ACYP2: variants seen among roughly 807,000 people sequenced by gnomAD.
ACYP2 encodes acylphosphatase 2.
Under a neutral mutation model 11.2 loss-of-function variants are expected in ACYP2, and 12 were observed. The observed-to-expected ratio is 1.08, with a 90% CI of 0.69 to 1.74. ACYP2 has a LOEUF of 1.74. Among genes scored for constraint, ACYP2 ranks in the 40% most tolerant of loss-of-function variants. The pLI, the probability that ACYP2 is intolerant of heterozygous loss-of-function variation, is 0.00. For synonymous variants in ACYP2, 43 were observed against 32.2 expected, an observed-to-expected ratio of 1.33 and a Z score of -1.13; for missense variants, 134 against 101.9, an observed-to-expected ratio of 1.31 and a Z score of -1.35.
At chr2:54,117,448 C>T (rs982271728) in intron 4 of ACYP2, among the ~76,000 whole-genome samples, 1 of 152,040 alleles carries the variant, frequency 6.6e-6, no homozygotes, top group African/African-American at 2.4e-5. Flanking sequence ...GCTCATGCCA[C>T]CATGCATGAC....
chr2:54,150,768 G>A (rs1415027831), intron 6 of ACYP2, among the ~76,000 whole-genome samples: 1 of 138,240 alleles, frequency 7.2e-6, no homozygotes, highest in Admixed American at 7.7e-5. Flanking sequence ...GTGAGACGGA[G>A]TCTTGCTCTG....
chr2:54,290,240 G>T (rs770525297), intron 6 of ACYP2, among the ~76,000 whole-genome samples: 1 of 152,060 alleles, frequency 6.6e-6, no homozygotes, highest in African/African-American at 2.4e-5. Flanking sequence ...TGCCTGGCTT[G>T]GTCCCGGAGT....
At chr2:54,007,153 AAAAAAAAAAAAG>A (rs1356034459) in intron 2 of ACYP2, among the ~76,000 whole-genome samples, 3 of 146,818 alleles carry the variant, frequency 2.0e-5, no homozygotes, top group East Asian at 1.9e-4. Flanking sequence ...AAAAAAAAAA[AAAAAAAAAAAAG>A]AAAGAAAGAA....
At position 54,201,676 on chromosome 2, in the gene ACYP2, TTCTTTCTCTC is replaced by T. The variant is rs1344116539; in HGVS notation, c.404+62932_404+62941del. On this transcript the variant is annotated intron_variant, in intron 6 of 6. Transcript: ENST00000607452. ...TTTCTTTCTTTCTTTCTTTCTTTCT[TTCTTTCTCTC>T]TCTCTCTCTCTCTTTTTTCTTTTCT... Among the ~76,000 whole-genome samples, 154 of 108,782 alleles carry T rather than the reference TTCTTTCTCTC, an allele frequency of 1.4e-3. 1 individual carries two copies. The highest frequency in any genetic ancestry group is 5.3e-3 in the African/African-American group (145 of 27,516). The allele number at this position is 108,782 out of a possible 152,430, so 71.4% of individuals were successfully genotyped here. A position where few individuals can be genotyped will look rare whatever the true frequency, so the allele number is the denominator to read the frequency against.
chr2:54,120,623 C>T (rs962865321), intron 4 of ACYP2, among the ~76,000 whole-genome samples: 5 of 152,220 alleles, frequency 3.3e-5, no homozygotes, highest in African/African-American at 1.2e-4. Context: ...CGGCTAGTGG[C>T]ACCTCTGCCC....
At chr2:53,989,914 T>C (rs965851716) in intron 2 of ACYP2, among the ~76,000 whole-genome samples, 2 of 152,206 alleles carry the variant, frequency 1.3e-5, no homozygotes, top group Non-Finnish European at 1.5e-5. Flanking sequence ...CCCAGCCAAT[T>C]GTTTGAGAAT....
At chr2:54,243,581 G>A (rs1000601988) in intron 6 of ACYP2, among the ~76,000 whole-genome samples, 1 of 152,018 alleles carries the variant, frequency 6.6e-6, no homozygotes, top group Non-Finnish European at 1.5e-5. Context: ...TGCGGCCTCT[G>A]CCTCCCAGGT....
In ACYP2 at chr2:54,039,819, TTGTGTGTGTGTGTGTGTGTG is replaced by T. The variant is rs751604890; in HGVS notation, c.63-11107_63-11088del. Among the ~76,000 whole-genome samples the T allele has an allele frequency of 6.2e-4, 78 of 126,684 alleles. 1 individual carries two copies. Among genetic ancestry groups the T allele is most frequent in the African/African-American group, 2.1e-3 (70 of 33,446 alleles). The allele number at this position is 126,684 out of a possible 152,430, so 83.1% of individuals were successfully genotyped here. On this transcript the variant is annotated intron_variant, in intron 2 of 6. Transcript: ENST00000607452. Reference sequence around the variant, plus strand: ...TTCTGTGTTTTATATTTGTTTTCTTTTGTGTGTGTGTGTGTGTGTGTGTGTGTGTGTGTGTGTGTGTGTGT... The same window carrying T: ...TTCTGTGTTTTATATTTGTTTTCTTTTGTGTGTGTGTGTGTGTGTGTGTGT...
chr2:54,165,645 C>T (rs1157116733), intron 6 of ACYP2, among the ~76,000 whole-genome samples: 3 of 151,740 alleles, frequency 2.0e-5, no homozygotes, highest in Non-Finnish European at 4.4e-5. Context: ...TATATGATGC[C>T]CCATCCATGT....
At chr2:54,292,164 G>C (rs2104145906) in intron 6 of ACYP2, among the ~76,000 whole-genome samples, 1 of 152,138 alleles carries the variant, frequency 6.6e-6, no homozygotes, top group East Asian at 1.9e-4. Context: ...AGCATGACCA[G>C]CCACAAATAA....
At chr2:54,226,860 A>C (rs185485562) in intron 6 of ACYP2, among the ~76,000 whole-genome samples, 1 of 152,356 alleles carries the variant, frequency 6.6e-6, no homozygotes, top group Non-Finnish European at 1.5e-5. Context: ...TAGCATTCCT[A>C]GTACTCAGGC....
intron 6 of ACYP2, among the ~76,000 whole-genome samples, chr2:54,156,723 G>C (rs866938088): frequency 4.2e-4 from 64 of 152,128 alleles, no homozygotes; most frequent in African/African-American, 1.5e-3. Flanking sequence ...TGTAGTGCAG[G>C]GGTATGATCT....
At chr2:54,128,808 T>A (rs1328571500) in intron 4 of ACYP2, among the ~76,000 whole-genome samples, 1 of 152,134 alleles carries the variant, frequency 6.6e-6, no homozygotes, top group Non-Finnish European at 1.5e-5. Flanking sequence ...GCGGAAGTCA[T>A]ACACAATTGA....
At chr2:54,134,207 C>T (rs545944624) in intron 4 of ACYP2, among the ~76,000 whole-genome samples, 69 of 152,234 alleles carry the variant, frequency 4.5e-4, no homozygotes, top group African/African-American at 1.5e-3. Context: ...GCAGGAAGAT[C>T]CCTTGAGCCC....
intron 6 of ACYP2, among the ~76,000 whole-genome samples, chr2:54,165,766 TG>T (rs2103839230): frequency 6.6e-6 from 1 of 152,238 alleles, no homozygotes; most frequent in East Asian, 1.9e-4. Flanking sequence ...TCCCTACCCC[TG>T]CCCCAAGGGA....
At chr2:54,248,101 G>A (rs1225449820) in intron 6 of ACYP2, among the ~76,000 whole-genome samples, 1 of 152,204 alleles carries the variant, frequency 6.6e-6, no homozygotes, top group East Asian at 1.9e-4. Context: ...GTTTGACTCA[G>A]TGTGGGACTA....
rs941215928 is a variant in ACYP2, at chr2:54,149,507, CT to C, written c.404+10768del. Reference sequence around the variant, plus strand: ...TTTTGAATCTATTGTTTTATTATGTCTTTTTTTTTGCAAAATTAAGAATATT... The same window carrying C: ...TTTTGAATCTATTGTTTTATTATGTCTTTTTTTTGCAAAATTAAGAATATT... On this transcript the variant is annotated intron_variant, in intron 6 of 6. Transcript: ENST00000607452. 6.9e-3 allele frequency among the ~76,000 whole-genome samples: 1,045 copies of C among 150,932 alleles called. 13 individuals carry two copies. The highest frequency in any genetic ancestry group is 0.024 in the African/African-American group (986 of 41,166).
chr2:53,981,443 A>G (rs967402078), intron 2 of ACYP2, among the ~76,000 whole-genome samples: 1 of 152,178 alleles, frequency 6.6e-6, no homozygotes, highest in African/African-American at 2.4e-5. Context: ...GTGGCCCACA[A>G]TCAGTCTGAT....
intron 2 of ACYP2, among the ~76,000 whole-genome samples, chr2:54,046,520 A>G (rs1326076907): frequency 6.6e-6 from 1 of 151,614 alleles, no homozygotes; most frequent in East Asian, 1.9e-4. Context: ...TGAGAAATAC[A>G]TGTTGTTTGT....
Sources: allele counts gnomAD v4.1 joint callset (sites outside exome capture counted in the v4.1 genomes callset), GRCh38; gene constraint gnomAD v4.1.1; transcripts MANE v1.5; gene names NCBI Gene and HGNC (gene_info 2026-07-23, HGNC 2026-07-21).